RAD23B: variants seen among roughly 807,000 people sequenced by gnomAD.
RAD23B encodes the protein RAD23 nucleotide excision repair protein B.
RAD23B carries 5 observed loss-of-function variants against 49.1 expected under a neutral mutation model. The observed-to-expected ratio is 0.10, with a 90% CI of 0.05 to 0.21. The LOEUF is 0.21. Among genes scored for constraint, RAD23B ranks in the 10% least tolerant of loss-of-function variants. RAD23B has a pLI of 1.00. For missense variants in RAD23B, 356 were observed against 486.7 expected, an observed-to-expected ratio of 0.73 and a Z score of 2.53; for synonymous variants, 184 against 165.4, an observed-to-expected ratio of 1.11 and a Z score of -0.86.
At chr9:107,328,401 A>G (rs903638605) in intron 9 of RAD23B, among the ~76,000 whole-genome samples, 1 of 152,092 alleles carries the variant, frequency 6.6e-6, no homozygotes, top group Non-Finnish European at 1.5e-5. Context: ...GGCGTTAGTT[A>G]GGTTAGGAAG....
At chr9:107,311,785 G>C (rs1481258303) in intron 5 of RAD23B, 48 bp downstream of exon 5, 1 of 1,379,540 alleles carries the variant, frequency 7.2e-7, no homozygotes, top group Non-Finnish European at 9.9e-7. Context: ...AGATAGGAAA[G>C]AGGTTTCACT....
chr9:107,331,569 C>T lies in RAD23B; in HGVS notation c.*1913C>T, dbSNP rs545194250. The T allele has an allele frequency of 1.5e-6, 1 of 675,500 alleles. No homozygotes were observed. Among genetic ancestry groups the T allele is most frequent in the East Asian group, 2.6e-5 (1 of 38,724 alleles). 41.8% of individuals were successfully genotyped at this position (675,500 alleles called of 1,614,324 possible). A position where few individuals can be genotyped will look rare whatever the true frequency, so the allele number is the denominator to read the frequency against. On this transcript the variant is annotated 3_prime_UTR_variant, in exon 10 of 10. Coordinates refer to ENST00000358015, the MANE Select transcript of RAD23B (RefSeq NM_002874.5). ...TAAAATGAGAATTCATATATACGTT[C>T]ATCTTTCAAGTCAGAGCAATGAGTT...
chr9:107,303,417 A>G (rs1192895789), intron 3 of RAD23B, among the ~76,000 whole-genome samples: 1 of 152,178 alleles, frequency 6.6e-6, no homozygotes, highest in South Asian at 2.1e-4. Context: ...ATTAAGAACC[A>G]TGTTGATTTT....
At chr9:107,293,156 A>G (rs578228308) in intron 1 of RAD23B, among the ~76,000 whole-genome samples, 7 of 152,350 alleles carry the variant, frequency 4.6e-5, no homozygotes, top group Admixed American at 3.9e-4. Context: ...TGTCCTCATG[A>G]CATTGTGGCT....
At chr9:107,295,993 C>G (rs760008521) in intron 1 of RAD23B, among the ~76,000 whole-genome samples, 1 of 152,102 alleles carries the variant, frequency 6.6e-6, no homozygotes, top group African/African-American at 2.4e-5. Flanking sequence ...TAAGGAGATT[C>G]AAGAGCAAGT....
intron 8 of RAD23B, 119 bp downstream of exon 8, chr9:107,324,136 T>C: frequency 8.6e-7 from 1 of 1,159,432 alleles, no homozygotes; most frequent in Non-Finnish European, 1.2e-6. Context: ...GAATGTTTTC[T>C]TCCAAGCTAC....
chr9:107,294,139 G>C (rs769577195), intron 1 of RAD23B, among the ~76,000 whole-genome samples: 1 of 152,020 alleles, frequency 6.6e-6, no homozygotes, highest in Admixed American at 6.6e-5. Context: ...GCTTTGTGGC[G>C]GCACTTTTAA....
chr9:107,317,733 A>G (rs1457167456), intron 5 of RAD23B, among the ~76,000 whole-genome samples: 1 of 151,764 alleles, frequency 6.6e-6, no homozygotes, highest in Non-Finnish European at 1.5e-5. Flanking sequence ...AGAAGAAAGG[A>G]TAGTTTTAAG....
At chr9:107,321,523 G>C (rs1360638071) in intron 6 of RAD23B, among the ~76,000 whole-genome samples, 4 of 152,144 alleles carry the variant, frequency 2.6e-5, no homozygotes, top group Non-Finnish European at 5.9e-5. Context: ...AGCTAGAGTT[G>C]CAAACTCAAT....
At chr9:107,306,737 C>A in intron 4 of RAD23B, 90 bp downstream of exon 4, 3 of 1,374,720 alleles carry the variant, frequency 2.2e-6, no homozygotes, top group Non-Finnish European at 3.0e-6. Flanking sequence ...TTGATCAAAC[C>A]GACTATATCT....
chr9:107,292,895 G>A (rs1833411734), intron 1 of RAD23B, among the ~76,000 whole-genome samples: 1 of 152,064 alleles, frequency 6.6e-6, no homozygotes, highest in South Asian at 2.1e-4. Flanking sequence ...ACCTATTACT[G>A]CATAACAAAT....
Position 107,283,979 on chromosome 9 carries a change from A to G in RAD23B, c.66+284A>G, listed in dbSNP as rs182802759. 7.4e-4 allele frequency: 820 copies of G among 1,113,366 alleles called. 7 individuals carry two copies. The African/African-American group carries it at 0.012, about 17-fold the overall frequency. The allele number at this position is 1,113,366 out of a possible 1,614,324, so 69.0% of individuals were successfully genotyped here. A position where few individuals can be genotyped will look rare whatever the true frequency, so the allele number is the denominator to read the frequency against. On this transcript the variant is annotated intron_variant, in intron 1 of 9. Transcript: ENST00000358015. ...GGGCCTGGGCCTAGGAGCTCGTGCT[A>G]GCGGGGCCGGAGGGGGATGGGAAGG...
rs1382538041 is a variant in RAD23B, at chr9:107,284,918, G to A, written c.66+1223G>A. On this transcript the variant is annotated intron_variant, in intron 1 of 9. Coordinates refer to ENST00000358015, the MANE Select transcript of RAD23B (RefSeq NM_002874.5). ...CAGAGATGTGAAGATTAGATGGTAT[G>A]TATTTACTTGGTGGTCAGTAAATGG... is the stretch of plus-strand genomic sequence containing the variant. 4 of 1,295,654 alleles carry A rather than the reference G, an allele frequency of 3.1e-6. No homozygotes were observed. In the South Asian group the frequency reaches 3.7e-5, roughly 12 times the overall value. 80.3% of individuals were successfully genotyped at this position (1,295,654 alleles called of 1,614,324 possible).
intron 5 of RAD23B, among the ~76,000 whole-genome samples, chr9:107,316,201 C>A (rs1168356344): frequency 6.6e-6 from 1 of 151,852 alleles, no homozygotes. Flanking sequence ...TTAGTAGAGG[C>A]GGGGTTTCAC....
At chr9:107,319,082 T>C (rs1827055579) in intron 6 of RAD23B, among the ~76,000 whole-genome samples, 1 of 151,924 alleles carries the variant, frequency 6.6e-6, no homozygotes, top group Non-Finnish European at 1.5e-5. Flanking sequence ...AGTAGCTTTT[T>C]AGGTGCCACT....
At chr9:107,287,834 C>CAAAAAAAAAA (rs11396857) in intron 1 of RAD23B, among the ~76,000 whole-genome samples, 3 of 119,248 alleles carry the variant, frequency 2.5e-5, no homozygotes, top group Non-Finnish European at 3.4e-5. Flanking sequence ...AACTCCATCT[C>CAAAAAAAAAA]AAAAAAAAAA....
intron 1 of RAD23B, among the ~76,000 whole-genome samples, chr9:107,287,201 A>C (rs1833288195): frequency 6.6e-6 from 1 of 150,686 alleles, no homozygotes; most frequent in African/African-American, 2.5e-5. Context: ...TAAAAACATT[A>C]AGAAAGGTAG....
rs1827053325 is a variant in RAD23B, at chr9:107,318,991, A to AG, written c.681+112_681+113insG. On this transcript the variant is annotated intron_variant, in intron 6 of 9. Transcript: ENST00000358015. This position sits in a 1 kb window ranked among gnomAD's most constrained non-coding sequence, Gnocchi z 4.3. Reference sequence around the variant, plus strand: ...CACTGATATATGCTAGATGATATACATAATGCTTTTTTTTTTCTAGTATGT... The same window carrying AG: ...CACTGATATATGCTAGATGATATACAGTAATGCTTTTTTTTTTCTAGTATGT... The AG allele has an allele frequency of 9.7e-7, 1 of 1,033,040 alleles. No homozygotes were observed. Among genetic ancestry groups the AG allele is most frequent in the Middle Eastern group, 2.6e-4 (1 of 3,782 alleles). The allele number at this position is 1,033,040 out of a possible 1,614,324, so 64.0% of individuals were successfully genotyped here.
At chr9:107,299,702 T>C (rs1318950832) in intron 1 of RAD23B, among the ~76,000 whole-genome samples, 1 of 152,234 alleles carries the variant, frequency 6.6e-6, no homozygotes, top group Non-Finnish European at 1.5e-5. Flanking sequence ...ACATAACACT[T>C]AAAATGAATC....
Sources: gnomAD v4.1 joint callset for allele counts (sites outside exome capture counted in the v4.1 genomes callset) on GRCh38, gnomAD v4.1.1 for gene constraint, Gnocchi (gnomAD v3.1) non-coding constraint, MANE v1.5 for transcripts, NCBI Gene and HGNC (gene_info 2026-07-23, HGNC 2026-07-21) for gene names.